CCSER1: variants seen among roughly 807,000 people sequenced by gnomAD.
CCSER1 encodes serine-rich coiled-coil domain-containing protein 1.
CCSER1 carries 41 observed loss-of-function variants against 82.0 expected under a neutral mutation model. That is an observed-to-expected ratio of 0.50 (90% confidence interval 0.39 to 0.65). The LOEUF is 0.65. Among genes scored for constraint, CCSER1 ranks in the 30% least tolerant of loss-of-function variants. The pLI, the probability that CCSER1 is intolerant of heterozygous loss-of-function variation, is 0.00. For synonymous variants in CCSER1, 414 were observed against 383.9 expected (o/e 1.08, Z -0.92); for missense variants, 1,119 against 1,064.2 (o/e 1.05, Z -0.72).
In CCSER1 at chr4:90,952,719, G is replaced by C. The variant is rs538641665; in HGVS notation, c.2172+29272G>C. Among the ~76,000 whole-genome samples, 116 of 152,098 alleles carry C rather than the reference G, an allele frequency of 7.6e-4. 1 individual carries two copies. In the South Asian group the frequency reaches 0.024, roughly 31 times the overall value. Reference sequence around the variant, plus strand: ...GTGATAGCCTATCATATTTGCCGAGGTTAGCTCTGTATAGTTCTGTTTTCA... The same window carrying C: ...GTGATAGCCTATCATATTTGCCGAGCTTAGCTCTGTATAGTTCTGTTTTCA... On this transcript the variant is annotated intron_variant, in intron 9 of 10. Coordinates refer to ENST00000509176, the MANE Select transcript of CCSER1 (RefSeq NM_001145065.2).
At chr4:91,549,141 A>G (rs1560755310) in intron 10 of CCSER1, among the ~76,000 whole-genome samples, 1 of 152,014 alleles carries the variant, frequency 6.6e-6, no homozygotes, top group Non-Finnish European at 1.5e-5. Flanking sequence ...AGCCATGTAT[A>G]GTCTACTAAT....
chr4:91,257,149 T>C (rs961416574), intron 10 of CCSER1, among the ~76,000 whole-genome samples: 5 of 152,144 alleles, frequency 3.3e-5, no homozygotes, highest in African/African-American at 1.2e-4. Flanking sequence ...GGAGTGGCAT[T>C]GTTAGTAAAA....
chr4:91,080,600 A>G (rs888330369), intron 9 of CCSER1, among the ~76,000 whole-genome samples: 1 of 152,128 alleles, frequency 6.6e-6, no homozygotes, highest in Admixed American at 6.5e-5. Context: ...GGCACAAAAA[A>G]CCCTTCAAAA....
At chr4:90,569,579 A>G (rs913213168) in intron 5 of CCSER1, among the ~76,000 whole-genome samples, 8 of 152,340 alleles carry the variant, frequency 5.3e-5, no homozygotes, top group African/African-American at 1.9e-4. Flanking sequence ...TCCTAGCTAC[A>G]GGAGTTCTTA....
chr4:91,097,010 A>C (rs1724576355), intron 10 of CCSER1, among the ~76,000 whole-genome samples: 1 of 152,194 alleles, frequency 6.6e-6, no homozygotes, highest in Non-Finnish European at 1.5e-5. Flanking sequence ...CAAGTTTCAA[A>C]GACATGTCTT....
chr4:90,953,162 A>T (rs980582615), intron 9 of CCSER1, among the ~76,000 whole-genome samples: 1 of 151,990 alleles, frequency 6.6e-6, no homozygotes, highest in Non-Finnish European at 1.5e-5. Context: ...CATCTAGTTA[A>T]CTTTTATTGT....
At chr4:90,218,304 G>A (rs1241566883) in intron 1 of CCSER1, among the ~76,000 whole-genome samples, 1 of 151,996 alleles carries the variant, frequency 6.6e-6, no homozygotes, top group African/African-American at 2.4e-5. Flanking sequence ...TTAACTTTTT[G>A]GTGTGCTGTT....
chr4:90,838,982 T>C (rs757711948), intron 8 of CCSER1: 51 of 1,613,058 alleles, frequency 3.2e-5, no homozygotes, highest in Non-Finnish European at 4.1e-5. Flanking sequence ...CTCTGTCTTC[T>C]TCAGTTTCGG....
At chr4:90,585,900 C>T (rs115881024) in intron 5 of CCSER1, among the ~76,000 whole-genome samples, 1,885 of 152,214 alleles carry the variant, frequency 0.012, 38 homozygotes, top group African/African-American at 0.043. Context: ...GTGACATTAT[C>T]GCATTTGTAT....
At chr4:90,306,915 T>G (rs929864584) in intron 1 of CCSER1, among the ~76,000 whole-genome samples, 2 of 152,200 alleles carry the variant, frequency 1.3e-5, no homozygotes. Context: ...TAGCAATATT[T>G]GCTGTACAAG....
At chr4:90,536,779 G>A (rs903009399) in intron 5 of CCSER1, among the ~76,000 whole-genome samples, 6 of 152,008 alleles carry the variant, frequency 3.9e-5, no homozygotes, top group African/African-American at 1.5e-4. Context: ...CTTTTTTGAT[G>A]GAATGAGGAA....
intron 4 of CCSER1, among the ~76,000 whole-genome samples, chr4:90,451,775 C>G (rs185223812): frequency 7.2e-4 from 109 of 152,320 alleles, no homozygotes; most frequent in South Asian, 1.2e-3. Context: ...GCCAATTTGG[C>G]TGCTTGGTCT....
At chr4:90,581,297 G>C (rs952598018) in intron 5 of CCSER1, among the ~76,000 whole-genome samples, 1 of 152,036 alleles carries the variant, frequency 6.6e-6, no homozygotes, top group African/African-American at 2.4e-5. Context: ...TTAGCTATGA[G>C]CACATGTAAA....
intron 4 of CCSER1, among the ~76,000 whole-genome samples, chr4:90,431,824 A>C (rs1758310819): frequency 6.6e-6 from 1 of 152,098 alleles, no homozygotes; most frequent in Non-Finnish European, 1.5e-5. Context: ...TATGGCTGAC[A>C]AATGACCATT....
intron 9 of CCSER1, among the ~76,000 whole-genome samples, chr4:90,943,089 C>G (rs1344485092): frequency 1.3e-5 from 2 of 151,716 alleles, no homozygotes; most frequent in Non-Finnish European, 2.9e-5. Context: ...GTGAATGAAC[C>G]TCATGCCTTC....
At chr4:91,464,346 A>C (rs1018002794) in intron 10 of CCSER1, among the ~76,000 whole-genome samples, 1 of 152,152 alleles carries the variant, frequency 6.6e-6, no homozygotes, top group Admixed American at 6.6e-5. Context: ...AAGAGCTCCT[A>C]AAGGAAGCAC....
At chr4:90,864,978 A>G (rs1191834829) in intron 8 of CCSER1, among the ~76,000 whole-genome samples, 4 of 152,072 alleles carry the variant, frequency 2.6e-5, no homozygotes, top group Non-Finnish European at 5.9e-5. Context: ...ATCAAGAGAT[A>G]ACTTTTCCAT....
rs1415826679 is a variant in CCSER1, at chr4:91,200,161, TC to T, written c.2217+114168del. Among the ~76,000 whole-genome samples, 7 of 144,168 alleles carry T rather than the reference TC, an allele frequency of 4.9e-5. No individual in the cohort carries two copies. The East Asian group carries it at 1.1e-3, about 22-fold the overall frequency. 94.6% of individuals were successfully genotyped at this position (144,168 alleles called of 152,430 possible). Reference sequence around the variant, plus strand: ...GAAGTTCTTGCTATTTTATTCAGTTTCAGCCACTATTCTTTTTAGTTGATTT... The same window carrying T: ...GAAGTTCTTGCTATTTTATTCAGTTTAGCCACTATTCTTTTTAGTTGATTT... On this transcript the variant is annotated intron_variant, in intron 10 of 10. Coordinates refer to ENST00000509176, the MANE Select transcript of CCSER1 (RefSeq NM_001145065.2).
intron 5 of CCSER1, among the ~76,000 whole-genome samples, chr4:90,472,796 T>C (rs1578651816): frequency 1.3e-5 from 2 of 152,254 alleles, no homozygotes; most frequent in South Asian, 4.2e-4. Flanking sequence ...CTGTTCACAA[T>C]AGCAGAGTCA....
Sources: gnomAD v4.1 joint callset for allele counts (sites outside exome capture counted in the v4.1 genomes callset) on GRCh38, gnomAD v4.1.1 for gene constraint, MANE v1.5 for transcripts, NCBI Gene and HGNC (gene_info 2026-07-23, HGNC 2026-07-21) for gene names.